The following ULK4 variants were observed in gnomAD, a reference collection of about 807,000 sequenced individuals.
ULK4 encodes inactive serine/threonine-protein kinase ULK4.
ULK4 carries 133 observed loss-of-function variants against 160.6 expected under a neutral mutation model. That is an observed-to-expected ratio of 0.83 (90% CI 0.72 to 0.96). The LOEUF (loss-of-function observed/expected upper bound fraction) is 0.96. ULK4 is among the 40% of genes least tolerant of loss of function. The probability of loss-of-function intolerance (pLI) is 0.00; values close to 1 mark genes in which losing one functional copy is unlikely to be tolerated. For synonymous variants in ULK4, 534 were observed against 539.8 expected, an observed-to-expected ratio of 0.99 and a Z score of 0.15; for missense variants, 1,580 against 1,499.5, an observed-to-expected ratio of 1.05 and a Z score of -0.89.
At chr3:41,814,771 T>TA in intron 19 of ULK4, among the ~76,000 whole-genome samples, 1 of 152,158 alleles carries the variant, frequency 6.6e-6, no homozygotes, top group Non-Finnish European at 1.5e-5. Flanking sequence ...AAGCCTATTT[T>TA]ATCTGATAAT....
At chr3:41,266,088 C>T (rs1347836088) in intron 35 of ULK4, among the ~76,000 whole-genome samples, 2 of 152,226 alleles carry the variant, frequency 1.3e-5, no homozygotes, top group Non-Finnish European at 2.9e-5. Flanking sequence ...TCTCCCAGGC[C>T]TCCAAGGGCA....
chr3:41,349,358 AGGTTTC>A, intron 35 of ULK4, among the ~76,000 whole-genome samples: 1 of 152,164 alleles, frequency 6.6e-6, no homozygotes, highest in East Asian at 1.9e-4. Flanking sequence ...CAGAAACAGC[AGGTTTC>A]TAGGGACATC....
intron 8 of ULK4, chr3:41,913,289 G>A (rs1313532993): frequency 1.3e-4 from 20 of 150,792 alleles, no homozygotes; most frequent in African/African-American, 1.6e-4. Context: ...GCAGTGGCGC[G>A]ATCTCGGCTC....
At chr3:41,672,330 G>A (rs186051529) in intron 29 of ULK4, among the ~76,000 whole-genome samples, 3 of 152,172 alleles carry the variant, frequency 2.0e-5, no homozygotes, top group East Asian at 1.9e-4. Flanking sequence ...GTCCATCAAC[G>A]AATGTGGTAT....
chr3:41,388,602 G>C (rs1236226534), intron 35 of ULK4, among the ~76,000 whole-genome samples: 1 of 152,068 alleles, frequency 6.6e-6, no homozygotes, highest in Non-Finnish European at 1.5e-5. Flanking sequence ...TGGCTAGCCA[G>C]TTTTCCCAGC....
chr3:41,306,344 G>A (rs2079933087), intron 35 of ULK4, among the ~76,000 whole-genome samples: 1 of 134,318 alleles, frequency 7.4e-6, no homozygotes, highest in Non-Finnish European at 1.5e-5. Flanking sequence ...CCGGGAGGGA[G>A]GTGGGGGGGT....
chr3:41,360,376 G>A (rs1014259403), intron 35 of ULK4, among the ~76,000 whole-genome samples: 4 of 152,178 alleles, frequency 2.6e-5, no homozygotes, highest in Non-Finnish European at 4.4e-5. Context: ...CAAAGACCTG[G>A]AGGCAGAAAT....
chr3:41,520,407 C>A (rs1001328597), intron 32 of ULK4, among the ~76,000 whole-genome samples: 1 of 152,166 alleles, frequency 6.6e-6, no homozygotes, highest in African/African-American at 2.4e-5. Flanking sequence ...CTTTTTATGG[C>A]TAAATATTAT....
At chr3:41,452,447 T>C (rs1204805921) in intron 34 of ULK4, among the ~76,000 whole-genome samples, 1 of 152,094 alleles carries the variant, frequency 6.6e-6, no homozygotes, top group Non-Finnish European at 1.5e-5. Context: ...ATCCAATCAC[T>C]CAAACCCAGC....
chr3:41,887,622 C>A (rs140036983), intron 16 of ULK4, among the ~76,000 whole-genome samples: 1,806 of 152,258 alleles, frequency 0.012, 18 homozygotes, highest in Non-Finnish European at 0.02. Context: ...AAGTTCAAGG[C>A]CAGCCTGGCC....
intron 35 of ULK4, among the ~76,000 whole-genome samples, chr3:41,332,332 T>C (rs13321626): frequency 0.24 from 37,115 of 152,130 alleles, 4,764 homozygotes; most frequent in African/African-American, 0.3. Context: ...CAATCAAACA[T>C]TCAAATGATT....
At chr3:41,471,945 AAC>A (rs545632971) in intron 32 of ULK4, among the ~76,000 whole-genome samples, 100 of 151,754 alleles carry the variant, frequency 6.6e-4, no homozygotes, top group African/African-American at 2.2e-3. Flanking sequence ...AAAAAAAAAA[AAC>A]AAAATGAAGA....
intron 1 of ULK4, among the ~76,000 whole-genome samples, chr3:41,959,319 G>A (rs1032874511): frequency 2.7e-5 from 4 of 147,790 alleles, no homozygotes; most frequent in African/African-American, 5.0e-5. Context: ...AGCCAAGATC[G>A]CGCCACTGCA....
At chr3:41,785,224 T>A (rs1351670325) in intron 21 of ULK4, among the ~76,000 whole-genome samples, 3 of 152,298 alleles carry the variant, frequency 2.0e-5, no homozygotes, top group African/African-American at 7.2e-5. Context: ...AAATTATTGG[T>A]GCATCACAAA....
chr3:41,733,292 A>G (rs569240481), intron 22 of ULK4, among the ~76,000 whole-genome samples: 203 of 152,256 alleles, frequency 1.3e-3, no homozygotes, highest in African/African-American at 4.7e-3. Context: ...TAAAATTTGC[A>G]GTGACTGCAT....
chr3:41,620,937 G>T (rs559369197), intron 30 of ULK4, among the ~76,000 whole-genome samples: 198 of 152,238 alleles, frequency 1.3e-3, no homozygotes, highest in Non-Finnish European at 2.3e-3. Flanking sequence ...TAAAATTAAT[G>T]TGCAAAAGTC....
intron 17 of ULK4, among the ~76,000 whole-genome samples, chr3:41,848,693 C>G (rs1357514314): frequency 6.6e-6 from 1 of 152,198 alleles, no homozygotes. Flanking sequence ...TATCCCCAAA[C>G]AGGACTCCAA....
chr3:41,711,873 A>C (rs2037106763), intron 25 of ULK4, among the ~76,000 whole-genome samples: 1 of 152,218 alleles, frequency 6.6e-6, no homozygotes, highest in Admixed American at 6.5e-5. Flanking sequence ...GGACCAAAAG[A>C]AGCATGGTAT....
chr3:41,703,674 A>T (rs1179465004), intron 27 of ULK4, among the ~76,000 whole-genome samples: 1 of 152,216 alleles, frequency 6.6e-6, no homozygotes, highest in African/African-American at 2.4e-5. Flanking sequence ...ACAAAGAAAC[A>T]GAAGCTATTA....
Sources: allele counts gnomAD v4.1 joint callset (sites outside exome capture counted in the v4.1 genomes callset), GRCh38; gene constraint gnomAD v4.1.1; transcripts MANE v1.5; gene names NCBI Gene and HGNC (gene_info 2026-07-23, HGNC 2026-07-21).